The following UGT2A3 variants were observed in gnomAD, a reference collection of about 807,000 sequenced individuals.
UGT2A3 encodes UDP-glucuronosyltransferase 2A3.
In UGT2A3, 55 loss-of-function variants were observed where a neutral mutation model predicts 44.1. The observed-to-expected ratio is 1.25, with a 90% CI of 1.00 to 1.56. UGT2A3 has a LOEUF of 1.56. Among genes scored for constraint, UGT2A3 ranks in the 40% most tolerant of loss-of-function variants. The pLI is 0.00. For synonymous variants in UGT2A3, 243 were observed against 215.1 expected (o/e 1.13, Z -1.13); for missense variants, 733 against 621.6 (o/e 1.18, Z -1.91).
chr4:68,938,178 AAG>A (rs1268962742), intron 2 of UGT2A3, among the ~76,000 whole-genome samples: 1 of 152,118 alleles, frequency 6.6e-6, no homozygotes, highest in East Asian at 1.9e-4. Flanking sequence ...TCAATAGAAA[AAG>A]AGAGAATCCT....
chr4:68,942,542 T>TATATATATATA (rs1718238887), intron 2 of UGT2A3, among the ~76,000 whole-genome samples: 2 of 146,096 alleles, frequency 1.4e-5, no homozygotes, highest in Non-Finnish European at 3.0e-5. Context: ...TATATATACA[T>TATATATATATA]TTTCCAATGT....
At chr4:68,939,763 C>T (rs1359978340) in intron 2 of UGT2A3, among the ~76,000 whole-genome samples, 1 of 152,052 alleles carries the variant, frequency 6.6e-6, no homozygotes, top group Non-Finnish European at 1.5e-5. Context: ...AACAGGCAAC[C>T]TACAGAATGG....
At chr4:68,934,452 G>GA (rs1459881154) in intron 2 of UGT2A3, among the ~76,000 whole-genome samples, 1 of 151,904 alleles carries the variant, frequency 6.6e-6, no homozygotes, top group African/African-American at 2.4e-5. Flanking sequence ...ATACTATATG[G>GA]AAAATCAGCA....
rs1212581466 is a variant in UGT2A3 at position 68,932,681 on chromosome 4, T to C, written c.943A>G (p.Thr315Ala). The C allele has an allele frequency of 2.5e-6, 4 of 1,611,966 alleles. No individual in the cohort carries two copies. The South Asian group carries it at 4.4e-5, about 18-fold the overall frequency. ...GCAATGATATTAGCCTTTTCTTCTGTAACATTTTGAAACAGTGACCCCAGA... is the reference window on the plus strand; with the variant it reads ...GCAATGATATTAGCCTTTTCTTCTGCAACATTTTGAAACAGTGACCCCAGA... ...FSLGSLFQNVTEEKANIIASA... is the reference protein window; with the variant it reads ...FSLGSLFQNVAEEKANIIASA... Residue 315 changes from threonine (T) to alanine (A), a missense_variant, in exon 3 of 6, where the codon ACA (threonine) becomes GCA (alanine). Transcript: ENST00000251566.
rs1718609387 is a variant in UGT2A3, at chr4:68,951,790, A to G, written c.-30T>C. 6.6e-7 allele frequency: 1 copy of G among 1,503,932 alleles called. No individual in the cohort carries two copies. The highest frequency in any genetic ancestry group is 9.0e-7 in the Non-Finnish European group (1 of 1,116,874). 93.2% of individuals were successfully genotyped at this position (1,503,932 alleles called of 1,614,324 possible). A position where few individuals can be genotyped will look rare whatever the true frequency, so the allele number is the denominator to read the frequency against. Reference sequence around the variant, plus strand: ...GCAGTTCCCTCACACACTGATCTGCAATGGTTTTGTAGTTACTAAGCAAGG... The same window carrying G: ...GCAGTTCCCTCACACACTGATCTGCGATGGTTTTGTAGTTACTAAGCAAGG... On this transcript the variant is annotated 5_prime_UTR_variant, in exon 1 of 6. Transcript: ENST00000251566.
chr4:68,930,925 A>G (rs1439765668), intron 4 of UGT2A3, among the ~76,000 whole-genome samples, 160 bp from the exon 5 acceptor site: 2 of 152,168 alleles, frequency 1.3e-5, no homozygotes, highest in African/African-American at 4.8e-5. Flanking sequence ...GATCATTTCT[A>G]TCTCCAGAAA....
At chr4:68,942,536 TATAC>T (rs1249235714) in intron 2 of UGT2A3, among the ~76,000 whole-genome samples, 19 of 145,740 alleles carry the variant, frequency 1.3e-4, no homozygotes, top group Admixed American at 2.8e-4. Flanking sequence ...TATATATATA[TATAC>T]ATTTTCCAAT....
At chr4:68,943,203 G>T (rs1718261190) in intron 2 of UGT2A3, 8 of 515,396 alleles carry the variant, frequency 1.6e-5, no homozygotes, top group Non-Finnish European at 2.1e-5. Context: ...CTATGAGTGT[G>T]TGTTTGTGTG....
Position 68,951,339 on chromosome 4 carries a change from G to C in UGT2A3, c.422C>G (p.Thr141Ser), listed in dbSNP as rs184239988. The C allele has an allele frequency of 5.3e-5, 86 of 1,612,618 alleles. No individual in the cohort carries two copies. The highest frequency in any genetic ancestry group is 1.0e-4 in the Admixed American group (6 of 59,802). ...NQTLMKKLQE[T>S]NYDVMLIDPV... Reference sequence around the variant, plus strand: ...GTCTATAAGCATTACATCGTAGTTGGTTTCCTGTAGCTTCTTCATAAGCGT... The same window carrying C: ...GTCTATAAGCATTACATCGTAGTTGCTTTCCTGTAGCTTCTTCATAAGCGT... The change falls in exon 1 of 6, where the codon ACC becomes AGC. Residue 141 changes from threonine to serine, a missense_variant. Physicochemically the swap from Thr to Ser is moderately conservative, Grantham distance 58. Transcript: ENST00000251566.
intron 2 of UGT2A3, among the ~76,000 whole-genome samples, chr4:68,942,949 G>A (rs1006894357): frequency 6.6e-6 from 1 of 151,166 alleles, no homozygotes; most frequent in Non-Finnish European, 1.5e-5. Flanking sequence ...TTAGATGATG[G>A]GTTTATTATC....
At chr4:68,940,433 C>A (rs1208177575) in intron 2 of UGT2A3, among the ~76,000 whole-genome samples, 2 of 151,974 alleles carry the variant, frequency 1.3e-5, no homozygotes, top group Non-Finnish European at 1.5e-5. Flanking sequence ...TCATTCTCAG[C>A]AAACTATCAC....
intron 2 of UGT2A3, among the ~76,000 whole-genome samples, chr4:68,935,076 A>G (rs1308519974): frequency 1.3e-5 from 2 of 151,566 alleles, no homozygotes; most frequent in Admixed American, 1.3e-4. Flanking sequence ...AATCAGTAAT[A>G]AAGTCTCATT....
At chr4:68,936,561 G>A (rs1448595856) in intron 2 of UGT2A3, among the ~76,000 whole-genome samples, 1 of 152,054 alleles carries the variant, frequency 6.6e-6, no homozygotes, top group Non-Finnish European at 1.5e-5. Context: ...CCCGAAGGAA[G>A]CACTTAACAT....
Position 68,951,368 on chromosome 4 carries a change from A to G in UGT2A3, c.393T>C (p.Asn131=). 6.2e-7 allele frequency: 1 copy of G among 1,612,708 alleles called. No individual in the cohort carries two copies. Among genetic ancestry groups the G allele is most frequent in the Non-Finnish European group, 8.5e-7 (1 of 1,179,272 alleles). ...LKMMCESFIY[N]QTLMKKLQET... is the part of the protein sequence containing the mutation. ...CCTGTAGCTTCTTCATAAGCGTCTG[A>G]TTGTAGATAAAGCTCTCACACATCA... is the stretch of plus-strand genomic sequence containing the variant. Residue 131 remains asparagine, a synonymous_variant, in exon 1 of 6, where the codon AAT becomes AAC. Transcript: ENST00000251566.
chr4:68,940,793 C>T (rs1373036068), intron 2 of UGT2A3, among the ~76,000 whole-genome samples: 1 of 134,514 alleles, frequency 7.4e-6, no homozygotes, highest in Non-Finnish European at 1.6e-5. Context: ...TATATATATA[C>T]ACACACACAT....
At chr4:68,941,118 C>G (rs13434649) in intron 2 of UGT2A3, among the ~76,000 whole-genome samples, 10,858 of 151,624 alleles carry the variant, frequency 0.072, 1,103 homozygotes, top group African/African-American at 0.23. Context: ...CCTCACATCC[C>G]CTCTTTATGG....
chr4:68,945,715 AGAAGGAAGGAAGGAAGGAAAGAAG>A (rs1347626031), intron 1 of UGT2A3, among the ~76,000 whole-genome samples: 21 of 101,224 alleles, frequency 2.1e-4, no homozygotes, highest in Middle Eastern at 5.2e-3. Flanking sequence ...AAGGATGGAA[AGAAGGAAGGAAGGAAGGAAAGAAG>A]GAAGGAAGGA....
At chr4:68,940,662 T>C (rs899125054) in intron 2 of UGT2A3, among the ~76,000 whole-genome samples, 4 of 150,958 alleles carry the variant, frequency 2.6e-5, no homozygotes, top group Non-Finnish European at 5.9e-5. Flanking sequence ...GACCTGCACA[T>C]CCTGCACATG....
At chr4:68,930,879 CT>C in intron 4 of UGT2A3, 114 bp from the exon 5 acceptor site, 3 of 935,304 alleles carry the variant, frequency 3.2e-6, no homozygotes, top group East Asian at 2.7e-5. Flanking sequence ...ACAGCACTTT[CT>C]TTAGAAGGTG....
Sources: allele counts gnomAD v4.1 joint callset (sites outside exome capture counted in the v4.1 genomes callset), GRCh38; gene constraint gnomAD v4.1.1; transcripts MANE v1.5; gene names NCBI Gene and HGNC (gene_info 2026-07-23, HGNC 2026-07-21).